The following TUSC3 variants were observed in gnomAD, a reference collection of about 807,000 sequenced individuals.
TUSC3 encodes tumor suppressor candidate 3.
Under a neutral mutation model 44.8 loss-of-function variants are expected in TUSC3, and 45 were observed. The ratio of observed to expected loss-of-function variants is 1.00; its 90% CI spans 0.79 to 1.29. TUSC3 has a LOEUF of 1.29. Ranked by LOEUF, TUSC3 falls within the 50% of genes most tolerant of loss-of-function variation. The pLI, the probability that TUSC3 is intolerant of heterozygous loss-of-function variation, is 0.00. For synonymous variants in TUSC3, 212 were observed against 152.9 expected (o/e 1.39, Z -2.85); for missense variants, 519 against 437.9 (o/e 1.19, Z -1.65).
Position 15,710,057 on chromosome 8 carries a change from C to T in TUSC3, c.799-20609C>T, listed in dbSNP as rs75733278. Among the ~76,000 whole-genome samples the T allele has an allele frequency of 9.8e-3, 1,492 of 151,944 alleles. 27 individuals are homozygous for T. Among genetic ancestry groups the T allele is most frequent in the African/African-American group, 0.034 (1,427 of 41,486 alleles). On this transcript the variant is annotated intron_variant, in intron 6 of 10. Coordinates refer to ENST00000503731, the MANE Select transcript of TUSC3 (RefSeq NM_006765.4). Reference sequence around the variant, plus strand: ...TCTTCCCTCCTGGTGGACTTATCTACAGTCTATACTGTTTTTTACCTTAGT... The same window carrying T: ...TCTTCCCTCCTGGTGGACTTATCTATAGTCTATACTGTTTTTTACCTTAGT...
At chr8:15,782,489 G>C in the TUSC3 span, among the ~76,000 whole-genome samples, 1 of 152,112 alleles carries the variant, frequency 6.6e-6, no homozygotes, top group African/African-American at 2.4e-5. Flanking sequence ...AAGAATAAAA[G>C]AAAATACTAG....
intron 2 of TUSC3, among the ~76,000 whole-genome samples, chr8:15,638,366 C>A (rs567932076): frequency 1.3e-5 from 2 of 152,136 alleles, no homozygotes; most frequent in Admixed American, 1.3e-4. Context: ...TTTTGGAGAA[C>A]TACATGGTTT....
chr8:15,472,077 T>C (rs1396104463), intron 1 of TUSC3, among the ~76,000 whole-genome samples: 1 of 152,228 alleles, frequency 6.6e-6, no homozygotes, highest in African/African-American at 2.4e-5. Flanking sequence ...ATATGTGACA[T>C]AAATAATCCT....
At chr8:15,646,897 T>C (rs1223599210) in intron 2 of TUSC3, among the ~76,000 whole-genome samples, 1 of 152,194 alleles carries the variant, frequency 6.6e-6, no homozygotes, top group African/African-American at 2.4e-5. Context: ...ATCTCACCTT[T>C]CATTGCTTTT....
chr8:15,635,073 C>T (rs184775413), intron 2 of TUSC3, among the ~76,000 whole-genome samples: 1 of 151,678 alleles, frequency 6.6e-6, no homozygotes, highest in African/African-American at 2.4e-5. Flanking sequence ...TTTTTCCCCC[C>T]AAAGGTAGGC....
chr8:15,520,790 C>T (rs558517790), intron 2 of TUSC3, among the ~76,000 whole-genome samples: 21 of 152,282 alleles, frequency 1.4e-4, no homozygotes, highest in African/African-American at 4.3e-4. Flanking sequence ...AACAAACATA[C>T]AGTAAGGTTT....
rs866241492 is a variant in TUSC3 at position 15,529,812 on chromosome 8, A to G, written n.189+46329A>G. ...AGTTTTTTTTTTTTTTTTTTTTGAG[A>G]CGGAGTCTCGCTCTGTTGCCCAGGC... On this transcript the variant is annotated intron_variant and non_coding_transcript_variant, in intron 2 of 5. Transcript: ENST00000503191. Among the ~76,000 whole-genome samples, 338 of 104,582 alleles carry G rather than the reference A, an allele frequency of 3.2e-3. 15 individuals are homozygous for G. Among genetic ancestry groups the G allele is most frequent in the African/African-American group, 0.012 (295 of 24,420 alleles). The allele number at this position is 104,582 out of a possible 152,430, so 68.6% of individuals were successfully genotyped here. A position where few individuals can be genotyped will look rare whatever the true frequency, so the allele number is the denominator to read the frequency against.
At chr8:15,656,820 A>G (rs1807190846) in intron 3 of TUSC3, among the ~76,000 whole-genome samples, 1 of 152,204 alleles carries the variant, frequency 6.6e-6, no homozygotes, top group Admixed American at 6.5e-5. Flanking sequence ...GTCATTTGAA[A>G]TTTAGGTGAA....
intron 1 of TUSC3, among the ~76,000 whole-genome samples, chr8:15,420,165 T>G (rs1799719741): frequency 6.6e-6 from 1 of 152,212 alleles, no homozygotes. Context: ...TATATTTTGG[T>G]GACATATCAT....
intron 1 of TUSC3, among the ~76,000 whole-genome samples, chr8:15,612,236 G>T (rs987700265): frequency 6.6e-6 from 1 of 152,126 alleles, no homozygotes; most frequent in Non-Finnish European, 1.5e-5. Context: ...AAACAAACAC[G>T]TGAATAGCTG....
intron 7 of TUSC3, among the ~76,000 whole-genome samples, chr8:15,735,267 G>C (rs1458466081): frequency 2.9e-5 from 1 of 34,040 alleles, no homozygotes; most frequent in African/African-American, 1.5e-4. Context: ...GAGTGACTCA[G>C]CTGCTGTTTT....
chr8:15,768,476 G>A (rs1346603024), downstream of TUSC3, among the ~76,000 whole-genome samples: 1 of 152,104 alleles, frequency 6.6e-6, no homozygotes, highest in African/African-American at 2.4e-5. Context: ...TGACCCTGAG[G>A]CAGCACAGGC....
chr8:15,843,795 A>T, the TUSC3 span, among the ~76,000 whole-genome samples: 1 of 152,016 alleles, frequency 6.6e-6, no homozygotes, highest in Non-Finnish European at 1.5e-5. Context: ...GGATACAAAG[A>T]TGTCTTATGA....
chr8:15,435,076 G>C (rs1053329303), intron 1 of TUSC3, among the ~76,000 whole-genome samples: 20 of 148,630 alleles, frequency 1.3e-4, no homozygotes, highest in Admixed American at 4.7e-4. Context: ...GGGTCAAATG[G>C]TATTTCTAGT....
chr8:15,765,027 G>C lies in TUSC3; in HGVS notation c.*871G>C, dbSNP rs1812288985. On this transcript the variant is annotated 3_prime_UTR_variant, in exon 11 of 11. Coordinates refer to ENST00000503731, the MANE Select transcript of TUSC3 (RefSeq NM_006765.4). ...CCTCAATCTTTGAATCCAGGTAAAA[G>C]GTTAATTATCCTAGGATTAGTGAAT... is the stretch of plus-strand genomic sequence containing the variant. 1 of 151,966 alleles carries C rather than the reference G, an allele frequency of 6.6e-6. No homozygotes were observed. 9.4% of individuals were successfully genotyped at this position (151,966 alleles called of 1,614,324 possible). A position where few individuals can be genotyped will look rare whatever the true frequency, so the allele number is the denominator to read the frequency against.
intron 1 of TUSC3, among the ~76,000 whole-genome samples, chr8:15,442,396 T>G (rs994376630): frequency 6.6e-6 from 1 of 152,098 alleles, no homozygotes; most frequent in African/African-American, 2.4e-5. Context: ...AGAAAAAAGG[T>G]AAAGTTATTA....
intron 1 of TUSC3, among the ~76,000 whole-genome samples, chr8:15,588,508 C>T (rs994281853): frequency 1.3e-5 from 2 of 152,200 alleles, no homozygotes; most frequent in Admixed American, 1.3e-4. Context: ...ATTCTATGGG[C>T]TGTCTCTTCA....
intron 1 of TUSC3, among the ~76,000 whole-genome samples, chr8:15,572,633 C>A (rs1376349895): frequency 2.0e-5 from 3 of 152,134 alleles, no homozygotes. Context: ...CACATGCCTT[C>A]CTCACTAAGT....
intron 6 of TUSC3, among the ~76,000 whole-genome samples, chr8:15,682,495 T>C (rs540704450): frequency 5.3e-5 from 8 of 152,294 alleles, no homozygotes; most frequent in Admixed American, 5.2e-4. Context: ...CTGCTCTGTT[T>C]GGTTTTTCAT....
Sources: gnomAD v4.1 joint callset for allele counts (sites outside exome capture counted in the v4.1 genomes callset) on GRCh38, gnomAD v4.1.1 for gene constraint, MANE v1.5 for transcripts, NCBI Gene and HGNC (gene_info 2026-07-23, HGNC 2026-07-21) for gene names.